Variants in TUBGCP2 observed in about 807,000 individuals in gnomAD.
The protein encoded by TUBGCP2 is tubulin gamma complex component 2.
A neutral mutation model predicts 92.2 loss-of-function variants in TUBGCP2; 55 were observed. The ratio of observed to expected loss-of-function variants is 0.60; its 90% CI spans 0.48 to 0.75. The LOEUF (loss-of-function observed/expected upper bound fraction) is 0.75, where lower values mean the gene tolerates loss of function less well. TUBGCP2 is among the 30% of genes least tolerant of loss of function. TUBGCP2 has a pLI of 0.00. For synonymous variants in TUBGCP2, 533 were observed against 505.2 expected (o/e 1.06, Z -0.74); for missense variants, 1,093 against 1,188.9 (o/e 0.92, Z 1.19).
At chr10:133,282,470 G>T (rs1847008764) in intron 15 of TUBGCP2, 128 bp from the exon 16 acceptor site, 2 of 1,285,360 alleles carry the variant, frequency 1.6e-6, no homozygotes, top group Non-Finnish European at 2.1e-6. Flanking sequence ...GGGTACACAA[G>T]CATCTCTGAG....
At position 133,288,871 on chromosome 10, in the gene TUBGCP2, T is replaced by G; in HGVS notation, c.1510A>C (p.Met504Leu). ...YASKVLLDFL[M>L]EEKELVAHLR... The stretch of plus-strand genomic sequence containing the variant: ...TGAGCCACCAGCTCCTTCTCCTCCA[T>G]CAGGAAGTCCAGCAGCACCTTGCTG... The change falls in exon 10 of 18, where the codon ATG (methionine) becomes CTG (leucine). Residue 504 changes from methionine to leucine, a missense_variant. Physicochemically the swap from Met to Leu is conservative, Grantham distance 15. This residue lies in a region of TUBGCP2 where 598 missense variants were observed against 675.5 expected (regional missense o/e 0.89). Transcript: ENST00000252936. 2 of 1,613,464 alleles carry G rather than the reference T, an allele frequency of 1.2e-6. No individual in the cohort carries two copies. The highest frequency in any genetic ancestry group is 1.7e-6 in the Non-Finnish European group (2 of 1,179,660).
At chr10:133,312,216 G>T, upstream of TUBGCP2, 1 of 1,381,890 alleles carries the variant, frequency 7.2e-7, no homozygotes, top group South Asian at 1.6e-5. Flanking sequence ...CGTTTCTAGC[G>T]TCACCTGTGC....
intron 1 of TUBGCP2, among the ~76,000 whole-genome samples, chr10:133,306,421 A>G (rs946112447): frequency 1.3e-5 from 2 of 152,232 alleles, no homozygotes; most frequent in African/African-American, 4.8e-5. Flanking sequence ...TGCCACCAAA[A>G]CAAAGCACTC....
chr10:133,302,740 A>C (rs1847701926), intron 2 of TUBGCP2, 52 bp downstream of exon 2: 4 of 1,605,214 alleles, frequency 2.5e-6, no homozygotes, highest in Non-Finnish European at 3.4e-6. Flanking sequence ...CACCACCCTG[A>C]CCCAGGAACA....
intron 1 of TUBGCP2, among the ~76,000 whole-genome samples, chr10:133,307,408 G>C (rs1458974545): frequency 1.3e-5 from 2 of 152,380 alleles, no homozygotes; most frequent in East Asian, 3.9e-4. Flanking sequence ...ACGTGAAAAA[G>C]AGTCTCTGTT....
intron 3 of TUBGCP2, 30 bp from the exon 4 acceptor site, chr10:133,299,633 C>A (rs761596669): frequency 5.7e-6 from 9 of 1,571,396 alleles, no homozygotes; most frequent in Non-Finnish European, 7.8e-6. Context: ...TGTGTTCACA[C>A]TGGGCCAGCA....
At chr10:133,310,171 G>T (rs1847957215), upstream of TUBGCP2, 1 of 1,613,812 alleles carries the variant, frequency 6.2e-7, no homozygotes, top group African/African-American at 1.3e-5. Flanking sequence ...CAGTATCAGT[G>T]CTTGGTAGAA....
At chr10:133,281,510 G>T in intron 16 of TUBGCP2, 74 bp from the exon 17 acceptor site, 3 of 1,542,340 alleles carry the variant, frequency 1.9e-6, no homozygotes, top group East Asian at 2.3e-5. Context: ...ACTGTTCCCA[G>T]CAGGCCGGTG....
rs1554935343 is a variant in TUBGCP2, at chr10:133,289,808, G to GCCCGCTGCGCCGCGGACGCCAAGTCCCTA, written c.1360+15_1360+16insTAGGGACTTGGCGTCCGCGGCGCAGCGGG. ...GCTGTGCTGCGCACCCCAAGTCCCC[G>GCCCGCTGCGCCGCGGACGCCAAGTCCCTA]CCCGCTGCGCCGCACCTGTGCTGAG... On this transcript the variant is annotated intron_variant, in intron 9 of 17. Coordinates refer to ENST00000252936, the MANE Select transcript of TUBGCP2 (RefSeq NM_006659.4). The GCCCGCTGCGCCGCGGACGCCAAGTCCCTA allele has an allele frequency of 2.5e-5, 38 of 1,492,466 alleles. No individual in the cohort carries two copies. In the East Asian group the frequency reaches 8.2e-4, roughly 32 times the overall value. 92.5% of individuals were successfully genotyped at this position (1,492,466 alleles called of 1,614,324 possible).
chr10:133,300,651 A>AT (rs1299257360), intron 2 of TUBGCP2: 1 of 152,736 alleles, frequency 6.5e-6, no homozygotes, highest in Non-Finnish European at 1.5e-5. Context: ...TATTATTTTA[A>AT]TTTTTTCTAG....
rs2136104928 is a variant in TUBGCP2, at chr10:133,279,789, T to C, written c.2686A>G (p.Arg896Gly). The change falls in exon 18 of 18, where the codon AGG becomes GGG. Residue 896 changes from arginine (R) to glycine (G), a missense_variant. Around this residue, in one of 3 missense-constraint regions of TUBGCP2, gnomAD observed 598 missense variants for 675.5 expected, o/e 0.89. Coordinates refer to ENST00000252936, the MANE Select transcript of TUBGCP2 (RefSeq NM_006659.4). ...VLRGPPAPAP[R>G]VAVTAQ ...GCTCACTGTGCGGTGACTGCGACCC[T>C]GGGTGCAGGAGCCGGGGGCCCCCGC... The C allele has an allele frequency of 6.4e-7, 1 of 1,565,570 alleles. No individual in the cohort carries two copies. The highest frequency in any genetic ancestry group is 8.7e-7 in the Non-Finnish European group (1 of 1,155,506).
intron 13 of TUBGCP2, among the ~76,000 whole-genome samples, chr10:133,284,656 C>T (rs138523149): frequency 1.2e-3 from 177 of 152,338 alleles, no homozygotes; most frequent in African/African-American, 3.9e-3. Flanking sequence ...CCACTGCACC[C>T]GACTGGACAA....
intron 1 of TUBGCP2, among the ~76,000 whole-genome samples, chr10:133,305,340 G>A (rs1043522406): frequency 2.0e-5 from 3 of 152,200 alleles, no homozygotes; most frequent in African/African-American, 2.4e-5. Context: ...CATGTCTGGT[G>A]GACACATGAC....
At chr10:133,289,797 C>CCTAAGTCCCCGCCCGCTGCGCCGCGGACG (rs1554935320) in intron 9 of TUBGCP2, 27 bp downstream of exon 9, 2 of 147,664 alleles carry the variant, frequency 1.4e-5, no homozygotes, top group Admixed American at 2.6e-4. Flanking sequence ...TGCTGCGCAC[C>CCTAAGTCCCCGCCCGCTGCGCCGCGGACG]CCAAGTCCCC....
chr10:133,293,360 G>A, intron 6 of TUBGCP2, 122 bp from the exon 7 acceptor site: 3 of 1,288,168 alleles, frequency 2.3e-6, no homozygotes, highest in Non-Finnish European at 3.2e-6. Context: ...CATCCCAGAG[G>A]GGAACTTTTG....
chr10:133,301,471 A>G (rs939795988), intron 2 of TUBGCP2, among the ~76,000 whole-genome samples: 2 of 152,078 alleles, frequency 1.3e-5, no homozygotes, highest in African/African-American at 4.8e-5. Context: ...TTCAGAATGA[A>G]CTAAACATGG....
At position 133,292,586 on chromosome 10, in the gene TUBGCP2, C is replaced by T; in HGVS notation, c.1127G>A (p.Cys376Tyr). The change falls in exon 8 of 18, where the codon TGC becomes TAC. Residue 376 changes from cysteine to tyrosine, a missense_variant. Cys to Tyr is a radical substitution (Grantham distance 194, BLOSUM62 -2). Around this residue, in one of 3 missense-constraint regions of TUBGCP2, gnomAD observed 490 missense variants for 488.5 expected, o/e 1.00. Transcript: ENST00000252936. ...ACTGGCCGCCTTGGTTAGGTACAGG[C>T]ATAGCTCCTGCGCCTGGCTGTCCCC... is the stretch of plus-strand genomic sequence containing the variant. The part of the protein sequence containing the change: ...YTGDSQAQEL[C>Y]LYLTKAASAP... 6.2e-7 allele frequency: 1 copy of T among 1,614,188 alleles called. No homozygotes were observed. Among genetic ancestry groups the T allele is most frequent in the Non-Finnish European group, 8.5e-7 (1 of 1,180,030 alleles).
At chr10:133,305,435 C>T (rs1206489631) in intron 1 of TUBGCP2, among the ~76,000 whole-genome samples, 1 of 152,080 alleles carries the variant, frequency 6.6e-6, no homozygotes, top group Non-Finnish European at 1.5e-5. Flanking sequence ...AACAGCGCAG[C>T]CAGGCATTCG....
At chr10:133,305,111 G>A (rs908386930) in intron 1 of TUBGCP2, among the ~76,000 whole-genome samples, 4 of 152,144 alleles carry the variant, frequency 2.6e-5, no homozygotes, top group Non-Finnish European at 4.4e-5. Context: ...GCAGTTATCC[G>A]GAGGCCTGAC....
Sources: gnomAD v4.1 joint callset for allele counts (sites outside exome capture counted in the v4.1 genomes callset) on GRCh38, gnomAD v4.1.1 for gene constraint, gnomAD v4.1.1 regional missense constraint, MANE v1.5 for transcripts, NCBI Gene and HGNC (gene_info 2026-07-23, HGNC 2026-07-21) for gene names.